Variants in TTC13 observed in about 807,000 individuals in gnomAD.
TTC13 encodes the protein tetratricopeptide repeat domain 13.
In TTC13, 62 loss-of-function variants were observed where a neutral mutation model predicts 120.0. The ratio of observed to expected loss-of-function variants is 0.52; its 90% CI spans 0.42 to 0.64. The LOEUF (loss-of-function observed/expected upper bound fraction) is 0.64. Among genes scored for constraint, TTC13 ranks in the 30% least tolerant of loss-of-function variants. The probability of loss-of-function intolerance (pLI) is 0.00; values close to 1 mark genes in which losing one functional copy is unlikely to be tolerated. For missense variants in TTC13, 824 were observed against 1,050.2 expected (o/e 0.78, Z 2.98); for synonymous variants, 384 against 393.5 (o/e 0.98, Z 0.28).
chr1:230,916,371 A>T, intron 17 of TTC13, 69 bp from the exon 18 acceptor site: 1 of 1,124,514 alleles, frequency 8.9e-7, no homozygotes, highest in East Asian at 2.4e-5. Context: ...GCAACTCTGT[A>T]GTGCTGGCTC....
intron 7 of TTC13, 55 bp from the exon 8 acceptor site, chr1:230,939,551 C>T (rs1674367013): frequency 1.6e-6 from 2 of 1,238,258 alleles, no homozygotes; most frequent in Non-Finnish European, 2.3e-6. Flanking sequence ...GATATGTGAA[C>T]ATTTCCTAAT....
intron 1 of TTC13, among the ~76,000 whole-genome samples, chr1:230,970,648 G>A (rs1448582290): frequency 7.2e-5 from 11 of 152,146 alleles, no homozygotes; most frequent in East Asian, 1.9e-4. Context: ...GATGACAGTC[G>A]TCACCTCCAA....
chr1:230,939,340 G>A (rs368992873), intron 8 of TTC13, 46 bp downstream of exon 8: 77 of 1,234,016 alleles, frequency 6.2e-5, no homozygotes, highest in Non-Finnish European at 8.3e-5. Context: ...ACCCACAAAA[G>A]AGAAGCAGAG....
Position 230,978,605 on chromosome 1 carries a change from G to A in TTC13, c.226C>T (p.Pro76Ser), listed in dbSNP as rs1035855828. The A allele has an allele frequency of 1.4e-6, 2 of 1,437,398 alleles. No homozygotes were observed. The highest frequency in any genetic ancestry group is 1.8e-6 in the Non-Finnish European group (2 of 1,090,630). The allele number at this position is 1,437,398 out of a possible 1,614,324, so 89.0% of individuals were successfully genotyped here. Residue 76 changes from proline to serine, a missense_variant, in exon 1 of 23, where the codon CCG becomes TCG. Transcript: ENST00000366661. The surrounding 1 kb of genome is among the most constrained non-coding windows in gnomAD (Gnocchi z 5.6). The part of the protein sequence containing the change: ...EAPAGGGGCS[P>S]QSGDWGDQYS... ...TGGTCCCCCCAGTCCCCGGACTGCG[G>A]GCTGCAGCCGCCGCCGCCCGCCGGG...
intron 12 of TTC13, 41 bp from the exon 13 acceptor site, chr1:230,925,688 A>T (rs1185625257): frequency 6.2e-7 from 1 of 1,609,438 alleles, no homozygotes; most frequent in Non-Finnish European, 8.5e-7. Context: ...CTTTTACAAC[A>T]GACATTTGGT....
intron 15 of TTC13, 120 bp from the exon 16 acceptor site, chr1:230,921,624 A>T (rs1489500495): frequency 3.4e-6 from 2 of 586,378 alleles, no homozygotes; most frequent in African/African-American, 2.0e-5. Flanking sequence ...TAGAAAAAAA[A>T]AGTCTGGGAA....
intron 8 of TTC13, chr1:230,936,556 G>A: frequency 5.0e-6 from 1 of 200,530 alleles, no homozygotes; most frequent in Non-Finnish European, 1.0e-5. Context: ...ATAAAACAAT[G>A]GAATTCAATA....
In TTC13 at chr1:230,931,660, C is replaced by G. The variant is rs1358962779; in HGVS notation, c.1125+76G>C. 24 of 1,546,526 alleles carry G rather than the reference C, an allele frequency of 1.6e-5. 1 individual carries two copies. In the African/African-American group the frequency reaches 2.6e-4, roughly 17 times the overall value. ...AAACACTATTCTCAGTCCCCCTTCT[C>G]TATTCATTTCACTAAACTTCAATGA... On this transcript the variant is annotated intron_variant, in intron 10 of 22. Transcript: ENST00000366661.
At chr1:230,928,398 TTATA>T (rs1359190287) in intron 12 of TTC13, among the ~76,000 whole-genome samples, 2 of 152,342 alleles carry the variant, frequency 1.3e-5, no homozygotes, top group African/African-American at 4.8e-5. Context: ...TTTTTGTTGC[TTATA>T]TATAGAAATG....
intron 20 of TTC13, among the ~76,000 whole-genome samples, chr1:230,911,032 T>C (rs1206378565): frequency 1.3e-5 from 2 of 152,140 alleles, no homozygotes; most frequent in Admixed American, 6.5e-5. Flanking sequence ...TAGCAAGAAT[T>C]TATCCAAAAT....
intron 4 of TTC13, among the ~76,000 whole-genome samples, chr1:230,951,168 A>G (rs1238972940): frequency 6.6e-6 from 1 of 152,250 alleles, no homozygotes; most frequent in Non-Finnish European, 1.5e-5. Context: ...CCAAGACAAC[A>G]GGAAAGGTAT....
intron 3 of TTC13, among the ~76,000 whole-genome samples, chr1:230,955,508 A>C (rs1197212358): frequency 1.8e-5 from 1 of 54,642 alleles, no homozygotes; most frequent in Non-Finnish European, 3.5e-5. Flanking sequence ...CTAAATATAC[A>C]AAAAAAAAAA....
At position 230,942,755 on chromosome 1, in the gene TTC13, C is replaced by T. The variant is rs544718374; in HGVS notation, c.672+1051G>A. On this transcript the variant is annotated intron_variant, in intron 6 of 22. Transcript: ENST00000366661. The surrounding 1 kb of genome is among the most constrained non-coding windows in gnomAD (Gnocchi z 4.0). ...AAAACAGAATGCCTTTGTACAGACT[C>T]TCTTCCCTGCGCTGAACACTCTCCT... Among the ~76,000 whole-genome samples, 1 of 152,304 alleles carries T rather than the reference C, an allele frequency of 6.6e-6. No homozygotes were observed. Among genetic ancestry groups the T allele is most frequent in the South Asian group, 2.1e-4 (1 of 4,828 alleles).
chr1:230,940,363 A>G lies in TTC13; in HGVS notation c.789+77T>C. ...AAACAGTCAAAGCCCAAATCTATCA[A>G]AGAGTCACTTTCTGAGGTCAAGGGA... On this transcript the variant is annotated intron_variant, in intron 7 of 22. Transcript: ENST00000366661. This position sits in a 1 kb window ranked among gnomAD's most constrained non-coding sequence, Gnocchi z 4.1. 4 of 931,696 alleles carry G rather than the reference A, an allele frequency of 4.3e-6. No homozygotes were observed. The highest frequency in any genetic ancestry group is 6.8e-6 in the Non-Finnish European group (4 of 585,724). The allele number at this position is 931,696 out of a possible 1,614,324, so 57.7% of individuals were successfully genotyped here.
chr1:230,957,685 C>T (rs1334244625), intron 3 of TTC13, among the ~76,000 whole-genome samples: 1 of 152,152 alleles, frequency 6.6e-6, no homozygotes, highest in Non-Finnish European at 1.5e-5. Context: ...ACACCCAGTG[C>T]ATATCTGACA....
At chr1:230,929,159 G>A (rs1673309473) in intron 11 of TTC13, 66 bp from the exon 12 acceptor site, 2 of 1,494,456 alleles carry the variant, frequency 1.3e-6, no homozygotes, top group Admixed American at 3.8e-5. Flanking sequence ...ATGGCTAGCT[G>A]CCATACAAAT....
chr1:230,949,125 T>C (rs1675289277), intron 4 of TTC13, among the ~76,000 whole-genome samples: 1 of 152,040 alleles, frequency 6.6e-6, no homozygotes. Context: ...AGTCATGCTA[T>C]TCTTGCCACA....
intron 17 of TTC13, among the ~76,000 whole-genome samples, chr1:230,919,157 A>C (rs1319978617): frequency 6.6e-6 from 1 of 152,058 alleles, no homozygotes; most frequent in Non-Finnish European, 1.5e-5. Context: ...CCTGGATCAT[A>C]CTATCATACT....
chr1:230,931,872 A>T lies in TTC13; in HGVS notation c.989T>A (p.Leu330Gln), dbSNP rs773940897. Residue 330 changes from leucine to glutamine, a missense_variant, in exon 10 of 23, where the codon CTG becomes CAG. Transcript: ENST00000366661. ...CTCAGTGGCTGCTTCAAAATTGCCC[A>T]GTTCTCTAGGTATTTAATAATAGTT... Reference protein sequence around the residue: ...YKSLGQAYRELGNFEAATESF... With the variant: ...YKSLGQAYREQGNFEAATESF... 5 of 1,614,108 alleles carry T rather than the reference A, an allele frequency of 3.1e-6. No homozygotes were observed. In the South Asian group the frequency reaches 5.5e-5, roughly 18 times the overall value.
Sources: allele counts gnomAD v4.1 joint callset (sites outside exome capture counted in the v4.1 genomes callset), GRCh38; gene constraint gnomAD v4.1.1; non-coding constraint Gnocchi (gnomAD v3.1); transcripts MANE v1.5; gene names NCBI Gene and HGNC (gene_info 2026-07-23, HGNC 2026-07-21).